CCDC178: variants seen among roughly 807,000 people sequenced by gnomAD.
CCDC178 encodes coiled-coil domain-containing protein 178.
In CCDC178, 126 loss-of-function variants were observed where a neutral mutation model predicts 117.4. The ratio of observed to expected loss-of-function variants is 1.07; its 90% CI spans 0.93 to 1.24. The LOEUF (loss-of-function observed/expected upper bound fraction) is 1.24. Among genes scored for constraint, CCDC178 ranks in the 50% most tolerant of loss-of-function variants. The pLI is 0.00. For missense variants in CCDC178, 1,030 were observed against 986.9 expected, an observed-to-expected ratio of 1.04 and a Z score of -0.59; for synonymous variants, 283 against 313.4, an observed-to-expected ratio of 0.90 and a Z score of 1.02.
rs552960502 is a variant in CCDC178, at chr18:33,356,269, T to C, written c.371+55A>G. On this transcript the variant is annotated intron_variant, in intron 7 of 22. Coordinates refer to ENST00000383096, the MANE Select transcript of CCDC178 (RefSeq NM_001105528.4). ...AGTTAAACTGGATTATAGCAGATGATTGAAATTTGGACATTAAAAATAAAA... is the reference window on the plus strand; with the variant it reads ...AGTTAAACTGGATTATAGCAGATGACTGAAATTTGGACATTAAAAATAAAA... 7.6e-5 allele frequency: 109 copies of C among 1,428,102 alleles called. 1 individual carries two copies. Among genetic ancestry groups the C allele is most frequent in the South Asian group, 6.8e-4 (52 of 76,432 alleles). The allele number at this position is 1,428,102 out of a possible 1,614,324, so 88.5% of individuals were successfully genotyped here.
At chr18:33,067,568 G>C (rs1049970586) in intron 21 of CCDC178, among the ~76,000 whole-genome samples, 31 of 152,332 alleles carry the variant, frequency 2.0e-4, no homozygotes, top group East Asian at 9.6e-4. Flanking sequence ...TAACAGGCCA[G>C]GCGTGATGGC....
At chr18:33,392,202 C>T (rs1006218482) in intron 4 of CCDC178, among the ~76,000 whole-genome samples, 1 of 152,084 alleles carries the variant, frequency 6.6e-6, no homozygotes, top group Admixed American at 6.5e-5. Flanking sequence ...AAAAATCTTC[C>T]TTATATATCA....
chr18:33,426,343 CAA>C (rs1333786513), intron 2 of CCDC178, among the ~76,000 whole-genome samples: 2 of 152,064 alleles, frequency 1.3e-5, no homozygotes, highest in Non-Finnish European at 2.9e-5. Flanking sequence ...ATTTAGGAAA[CAA>C]AGATGAATAG....
At chr18:33,033,323 CTCA>C (rs1220341857) in intron 21 of CCDC178, among the ~76,000 whole-genome samples, 2 of 151,882 alleles carry the variant, frequency 1.3e-5, no homozygotes, top group African/African-American at 4.8e-5. Context: ...TCTTTTTCTC[CTCA>C]TGAGTTTAGC....
intron 6 of CCDC178, among the ~76,000 whole-genome samples, chr18:33,362,188 T>C (rs1280086496): frequency 7.3e-5 from 1 of 13,648 alleles, no homozygotes; most frequent in Non-Finnish European, 1.5e-4. Context: ...TGTATATATA[T>C]ACATATATAT....
chr18:33,294,149 T>C (rs1426707882), intron 11 of CCDC178, among the ~76,000 whole-genome samples: 4 of 152,192 alleles, frequency 2.6e-5, no homozygotes, highest in Non-Finnish European at 5.9e-5. Context: ...GGACCAATGC[T>C]AATCTGTGAA....
At chr18:33,178,344 T>A (rs1376866879) in intron 20 of CCDC178, among the ~76,000 whole-genome samples, 2 of 152,180 alleles carry the variant, frequency 1.3e-5, no homozygotes, top group Non-Finnish European at 2.9e-5. Context: ...AAAATGTTCC[T>A]TTCTTCTCTT....
chr18:33,015,788 T>G (rs1193997511), intron 21 of CCDC178, among the ~76,000 whole-genome samples: 1 of 151,930 alleles, frequency 6.6e-6, no homozygotes, highest in East Asian at 1.9e-4. Context: ...AAACAATCAA[T>G]AAGAAAATCA....
intron 21 of CCDC178, among the ~76,000 whole-genome samples, chr18:33,013,202 C>T (rs1051091307): frequency 2.6e-5 from 4 of 152,022 alleles, no homozygotes; most frequent in African/African-American, 7.2e-5. Context: ...GACAAATTTC[C>T]TAATTTTAGT....
chr18:33,360,747 C>T (rs960900941), intron 6 of CCDC178, among the ~76,000 whole-genome samples: 3 of 151,326 alleles, frequency 2.0e-5, no homozygotes, highest in African/African-American at 7.3e-5. Flanking sequence ...GAAAACAATC[C>T]CATTTATAAC....
chr18:32,985,133 T>G (rs1262241108), intron 21 of CCDC178, among the ~76,000 whole-genome samples: 1 of 152,046 alleles, frequency 6.6e-6, no homozygotes, highest in African/African-American at 2.4e-5. Context: ...CTCATTGGTT[T>G]ATTTCAAAAT....
intron 3 of CCDC178, among the ~76,000 whole-genome samples, chr18:33,409,727 T>C (rs1449175667): frequency 4.6e-5 from 7 of 152,182 alleles, no homozygotes; most frequent in African/African-American, 1.4e-4. Flanking sequence ...TAATGGCTGG[T>C]TGTCTTACAT....
At chr18:33,098,883 A>G (rs2057583093) in intron 20 of CCDC178, among the ~76,000 whole-genome samples, 1 of 152,046 alleles carries the variant, frequency 6.6e-6, no homozygotes, top group African/African-American at 2.4e-5. Context: ...TAGTTGGAGG[A>G]GGCTGAAGTG....
At chr18:33,352,713 T>C (rs909581259) in intron 7 of CCDC178, among the ~76,000 whole-genome samples, 97 of 152,154 alleles carry the variant, frequency 6.4e-4, no homozygotes, top group African/African-American at 2.2e-3. Context: ...CACATATATA[T>C]GAAATTTCCA....
At chr18:33,345,293 C>T (rs997609485) in intron 9 of CCDC178, among the ~76,000 whole-genome samples, 1 of 152,136 alleles carries the variant, frequency 6.6e-6, no homozygotes, top group Admixed American at 6.5e-5. Context: ...GGCATGTTTT[C>T]ATAGGTACAG....
At chr18:33,011,608 A>G (rs1390107366) in intron 21 of CCDC178, among the ~76,000 whole-genome samples, 3 of 151,672 alleles carry the variant, frequency 2.0e-5, no homozygotes, top group African/African-American at 4.8e-5. Context: ...ACAAAGACAC[A>G]TGCTTGACTT....
chr18:32,983,591 A>G (rs1290814668), intron 21 of CCDC178, among the ~76,000 whole-genome samples: 17 of 152,110 alleles, frequency 1.1e-4, no homozygotes, highest in Non-Finnish European at 2.5e-4. Flanking sequence ...ATCTGGAAAA[A>G]ATAATGAGCT....
At chr18:33,316,908 G>C (rs910686022) in intron 11 of CCDC178, among the ~76,000 whole-genome samples, 1 of 151,972 alleles carries the variant, frequency 6.6e-6, no homozygotes, top group African/African-American at 2.4e-5. Context: ...AGCTAATCTA[G>C]TGGGGACATG....
intron 22 of CCDC178, among the ~76,000 whole-genome samples, chr18:32,962,804 T>C (rs952925385): frequency 2.6e-5 from 4 of 152,066 alleles, no homozygotes; most frequent in South Asian, 2.1e-4. Flanking sequence ...ATTTCTATAC[T>C]TTTTATGGTT....
Sources: gnomAD v4.1 joint callset for allele counts (sites outside exome capture counted in the v4.1 genomes callset) on GRCh38, gnomAD v4.1.1 for gene constraint, MANE v1.5 for transcripts, NCBI Gene and HGNC (gene_info 2026-07-23, HGNC 2026-07-21) for gene names.